MS4A8: variants seen among roughly 807,000 people sequenced by gnomAD.
MS4A8 encodes membrane spanning 4-domains A8, also known as membrane-spanning 4-domains subfamily A member 8.
A neutral mutation model predicts 23.7 loss-of-function variants in MS4A8; 27 were observed. The observed-to-expected ratio is 1.14, with a 90% CI of 0.84 to 1.57. The LOEUF (loss-of-function observed/expected upper bound fraction) is 1.57. MS4A8 is among the 40% of genes most tolerant of loss of function. The pLI is 0.00. For synonymous variants in MS4A8, 138 were observed against 126.3 expected (o/e 1.09, Z -0.62); for missense variants, 301 against 311.4 (o/e 0.97, Z 0.25).
chr11:60,701,101 A>G lies in MS4A8; in HGVS notation c.219+22A>G, dbSNP rs1382001013. 3.1e-6 allele frequency: 5 copies of G among 1,605,136 alleles called. No individual in the cohort carries two copies. The Admixed American group carries it at 8.4e-5, about 27-fold the overall frequency. On this transcript the variant is annotated intron_variant, in intron 2 of 6. Coordinates refer to ENST00000300226, the MANE Select transcript of MS4A8 (RefSeq NM_031457.2). ...GGGGGTAAGTGAGATTTCCCTTTGC[A>G]GGCCACAGACTGCACAGCTGGAGTG...
intron 5 of MS4A8, chr11:60,712,240 C>G (rs1012648118): frequency 2.7e-6 from 2 of 746,742 alleles, no homozygotes; most frequent in Non-Finnish European, 3.3e-6. Context: ...TCTCCCTCCT[C>G]AGTGCTCTGG....
chr11:60,713,202 C>A (rs2088314081), intron 5 of MS4A8, among the ~76,000 whole-genome samples: 1 of 99,630 alleles, frequency 1.0e-5, no homozygotes, highest in Non-Finnish European at 2.6e-5. Context: ...GGTGGGTTGC[C>A]CCTTCACACC....
chr11:60,712,010 T>TA (rs775266592), intron 5 of MS4A8: 8 of 248,300 alleles, frequency 3.2e-5, no homozygotes, highest in Admixed American at 1.1e-4. Flanking sequence ...TTTCATCAAA[T>TA]AAAAAAAATC....
chr11:60,708,685 A>T lies in MS4A8; in HGVS notation c.438A>T (p.Ala146=), dbSNP rs778489002. 7 of 1,588,602 alleles carry T rather than the reference A, an allele frequency of 4.4e-6. No individual in the cohort carries two copies. Among genetic ancestry groups the T allele is most frequent in the Non-Finnish European group, 6.0e-6 (7 of 1,168,924 alleles). The change falls in exon 5 of 7, where the codon GCA becomes GCT. Residue 146 remains alanine, a synonymous_variant. Transcript: ENST00000300226. Reference sequence around the variant, plus strand: ...GTTTGGGCTTGAACATCGTCAGTGCAATCTGCTCTGCAGTTGGAGTCATAC... The same window carrying T: ...GTTTGGGCTTGAACATCGTCAGTGCTATCTGCTCTGCAGTTGGAGTCATAC... ...SGSLGLNIVS[A]ICSAVGVILF...
chr11:60,699,823 G>T (rs574950437), intron 1 of MS4A8, 48 bp downstream of exon 1: 1 of 152,394 alleles, frequency 6.6e-6, no homozygotes, highest in Non-Finnish European at 1.5e-5. Flanking sequence ...TGGTGATAAG[G>T]TTTTTCTACC....
At chr11:60,711,045 C>T (rs1038690107) in intron 5 of MS4A8, among the ~76,000 whole-genome samples, 12 of 152,174 alleles carry the variant, frequency 7.9e-5, no homozygotes, top group Non-Finnish European at 4.4e-5. Flanking sequence ...CCTTATCTAT[C>T]TTTCCTGTAG....
At chr11:60,701,439 C>G in intron 2 of MS4A8, 1 of 398,228 alleles carries the variant, frequency 2.5e-6, no homozygotes, top group Non-Finnish European at 4.9e-6. Flanking sequence ...CCAATAAGAT[C>G]GAATCAAATA....
chr11:60,713,911 T>TAACAAGCGTGC (rs1565054187), intron 5 of MS4A8, among the ~76,000 whole-genome samples: 43 of 114,666 alleles, frequency 3.8e-4, no homozygotes, highest in African/African-American at 1.5e-3. Context: ...TGATGACTCT[T>TAACAAGCGTGC]TTTTTTTTTT....
At chr11:60,703,356 C>T in intron 2 of MS4A8, 22 bp from the exon 3 acceptor site, 1 of 1,518,622 alleles carries the variant, frequency 6.6e-7, no homozygotes, top group Non-Finnish European at 8.8e-7. Flanking sequence ...AACAAGACTT[C>T]AGCTTGTGGC....
chr11:60,700,922 A>G lies in MS4A8; in HGVS notation c.62A>G (p.Asn21Ser), dbSNP rs758758486. ...ANSVLVVAPHNGYPVTPGIMS... is the reference protein window; with the variant it reads ...ANSVLVVAPHSGYPVTPGIMS... ...TCTGTGTTGGTGGTGGCACCCCACA[A>G]TGGTTATCCTGTGACCCCAGGAATT... The change falls in exon 2 of 7, where the codon AAT becomes AGT. Residue 21 changes from asparagine (N) to serine (S), a missense_variant. Asn to Ser is a conservative substitution (Grantham distance 46, BLOSUM62 1). Transcript: ENST00000300226. 1.3e-4 allele frequency: 213 copies of G among 1,614,070 alleles called. No individual in the cohort carries two copies. Among genetic ancestry groups the G allele is most frequent in the Non-Finnish European group, 1.7e-4 (197 of 1,180,038 alleles).
At chr11:60,699,866 G>C (rs557705100) in intron 1 of MS4A8, 91 bp downstream of exon 1, 1 of 152,362 alleles carries the variant, frequency 6.6e-6, no homozygotes, top group South Asian at 2.1e-4. Context: ...GTGTGGATGA[G>C]GGATAGACAG....
At chr11:60,703,343 A>G in intron 2 of MS4A8, 35 bp from the exon 3 acceptor site, 1 of 1,501,492 alleles carries the variant, frequency 6.7e-7, no homozygotes, top group East Asian at 2.6e-5. Context: ...ACCCAGCCTC[A>G]GAAACAAGAC....
chr11:60,700,739 C>T, intron 1 of MS4A8, 121 bp from the exon 2 acceptor site: 2 of 914,320 alleles, frequency 2.2e-6, no homozygotes, highest in Non-Finnish European at 3.5e-6. Flanking sequence ...TTATTTGTAA[C>T]ATGGGATTCA....
At chr11:60,702,564 A>T (rs1229437770) in intron 2 of MS4A8, among the ~76,000 whole-genome samples, 2 of 152,188 alleles carry the variant, frequency 1.3e-5, no homozygotes, top group Non-Finnish European at 2.9e-5. Context: ...CATCATGCCG[A>T]GCTAGTTTTT....
intron 3 of MS4A8, among the ~76,000 whole-genome samples, chr11:60,705,467 G>T (rs761146850): frequency 6.6e-6 from 1 of 152,232 alleles, no homozygotes; most frequent in African/African-American, 2.4e-5. Flanking sequence ...TGTGCTCTTT[G>T]CTGCCTTCTT....
In MS4A8 at chr11:60,700,860, C is replaced by A; in HGVS notation, c.-1C>A. On this transcript the variant is annotated splice_region_variant and 5_prime_UTR_variant, in exon 2 of 7. Transcript: ENST00000300226. Reference sequence around the variant, plus strand: ...TTCTCTCGCATTTATTTCTTGGCAGCATGAATTCGATGACTTCAGCAGTTC... The same window carrying A: ...TTCTCTCGCATTTATTTCTTGGCAGAATGAATTCGATGACTTCAGCAGTTC... 1.2e-6 allele frequency: 2 copies of A among 1,614,070 alleles called. No homozygotes were observed. The highest frequency in any genetic ancestry group is 2.2e-5 in the East Asian group (1 of 44,884).
intron 5 of MS4A8, among the ~76,000 whole-genome samples, chr11:60,709,503 G>A (rs1198673666): frequency 6.6e-6 from 1 of 152,174 alleles, no homozygotes; most frequent in Non-Finnish European, 1.5e-5. Flanking sequence ...AACTTGGTTT[G>A]CTATTTTGCA....
At chr11:60,707,774 G>A (rs1220502566) in intron 4 of MS4A8, among the ~76,000 whole-genome samples, 2 of 147,864 alleles carry the variant, frequency 1.4e-5, no homozygotes, top group Middle Eastern at 3.4e-3. Flanking sequence ...AATAGGTCAA[G>A]TGTTTCCCAG....
intron 2 of MS4A8, 118 bp downstream of exon 2, chr11:60,701,197 C>T (rs956061440): frequency 9.3e-6 from 9 of 968,666 alleles, no homozygotes; most frequent in South Asian, 8.4e-5. Flanking sequence ...GAGTTGATCG[C>T]GCCTTGCCAA....
Sources: gnomAD v4.1 joint callset for allele counts (sites outside exome capture counted in the v4.1 genomes callset) on GRCh38, gnomAD v4.1.1 for gene constraint, MANE v1.5 for transcripts, NCBI Gene and HGNC (gene_info 2026-07-23, HGNC 2026-07-21) for gene names.